Variants in NELL1 observed in about 807,000 individuals in gnomAD.
The protein encoded by NELL1 is protein kinase C-binding protein NELL1.
NELL1 carries 76 observed loss-of-function variants against 107.4 expected under a neutral mutation model. The observed-to-expected ratio is 0.71, with a 90% CI of 0.59 to 0.86. The LOEUF (loss-of-function observed/expected upper bound fraction) is 0.86. Ranked by LOEUF, NELL1 falls within the 40% of genes least tolerant of loss-of-function variation. The pLI is 0.00. For synonymous variants in NELL1, 353 were observed against 341.2 expected (o/e 1.03, Z -0.38); for missense variants, 1,024 against 1,005.5 (o/e 1.02, Z -0.25).
In NELL1 at chr11:21,404,005, A is replaced by ACG. The variant is rs756502564; in HGVS notation, c.1645+33058_1645+33059insGC. On this transcript the variant is annotated intron_variant, in intron 15 of 19. Transcript: ENST00000357134. ...CGGAAAATATCTCTGTCATTCCTGA[A>ACG]CCCCCCCCCCCGCAATCAAAACCAC... Among the ~76,000 whole-genome samples the ACG allele has an allele frequency of 1.8e-4, 9 of 50,958 alleles. 1 individual carries two copies. The South Asian group carries it at 4.6e-3, about 26-fold the overall frequency. The allele number at this position is 50,958 out of a possible 152,430, so 33.4% of individuals were successfully genotyped here.
At chr11:21,527,755 G>T (rs1320638411) in intron 15 of NELL1, among the ~76,000 whole-genome samples, 1 of 152,148 alleles carries the variant, frequency 6.6e-6, no homozygotes, top group Non-Finnish European at 1.5e-5. Context: ...AGGTCCAAGA[G>T]TCCAAAAGCT....
chr11:21,229,092 T>A (rs140134484), intron 13 of NELL1, among the ~76,000 whole-genome samples: 6 of 152,064 alleles, frequency 3.9e-5, no homozygotes, highest in Non-Finnish European at 8.8e-5. Context: ...CACTTACCAA[T>A]TGTGTGACGG....
intron 2 of NELL1, among the ~76,000 whole-genome samples, chr11:20,724,045 C>G (rs28846421): frequency 5.0e-5 from 1 of 19,856 alleles, no homozygotes; most frequent in East Asian, 0.019. Context: ...GAGGCTGCAC[C>G]GAGAAGCTGG....
intron 12 of NELL1, among the ~76,000 whole-genome samples, chr11:21,100,710 T>G (rs968972319): frequency 2.6e-5 from 4 of 152,148 alleles, no homozygotes; most frequent in Non-Finnish European, 4.4e-5. Context: ...CAACCACATA[T>G]AGAGGGCCCA....
intron 2 of NELL1, among the ~76,000 whole-genome samples, chr11:20,756,719 C>G (rs1038604778): frequency 7.2e-5 from 11 of 151,822 alleles, no homozygotes; most frequent in African/African-American, 1.7e-4. Flanking sequence ...GCATCCCGGG[C>G]CTCCACCCAC....
intron 3 of NELL1, among the ~76,000 whole-genome samples, chr11:20,812,421 T>C (rs190507894): frequency 9.2e-5 from 14 of 152,358 alleles, no homozygotes; most frequent in African/African-American, 3.4e-4. Flanking sequence ...GCTTTTGTTA[T>C]TTTGTATATG....
At chr11:21,265,737 A>T (rs933129688) in intron 14 of NELL1, among the ~76,000 whole-genome samples, 8 of 152,050 alleles carry the variant, frequency 5.3e-5, no homozygotes, top group Admixed American at 3.3e-4. Flanking sequence ...GGGTTCTTAA[A>T]ACTTTACTGT....
chr11:21,348,050 G>T (rs985601015), intron 14 of NELL1, among the ~76,000 whole-genome samples: 1 of 152,160 alleles, frequency 6.6e-6, no homozygotes, highest in Non-Finnish European at 1.5e-5. Flanking sequence ...ACCTGATGTG[G>T]CTAGAAGCTC....
At chr11:21,505,441 T>C (rs143584153) in intron 15 of NELL1, among the ~76,000 whole-genome samples, 2 of 152,220 alleles carry the variant, frequency 1.3e-5, no homozygotes, top group African/African-American at 4.8e-5. Context: ...TGACTAAACT[T>C]TAGGAGGACT....
chr11:20,861,378 T>C (rs1848975618), intron 4 of NELL1, among the ~76,000 whole-genome samples: 1 of 152,238 alleles, frequency 6.6e-6, no homozygotes, highest in Middle Eastern at 3.2e-3. Flanking sequence ...GGAATGAGGC[T>C]GCTTTGTTTC....
intron 14 of NELL1, among the ~76,000 whole-genome samples, chr11:21,253,056 T>A (rs1267359282): frequency 6.6e-6 from 1 of 152,122 alleles, no homozygotes; most frequent in Admixed American, 6.6e-5. Flanking sequence ...TCTCTGTGGT[T>A]AAGGGTTATC....
chr11:21,341,315 T>C (rs1850559617), intron 14 of NELL1, among the ~76,000 whole-genome samples: 1 of 152,204 alleles, frequency 6.6e-6, no homozygotes, highest in African/African-American at 2.4e-5. Flanking sequence ...AAACAAACTA[T>C]TGACTATGAG....
chr11:20,971,828 T>C (rs1446366523), intron 12 of NELL1, among the ~76,000 whole-genome samples: 1 of 152,176 alleles, frequency 6.6e-6, no homozygotes. Context: ...ATATAGCCCA[T>C]GGAATACTAT....
intron 2 of NELL1, among the ~76,000 whole-genome samples, chr11:20,716,748 T>A (rs1297014297): frequency 2.0e-5 from 3 of 152,212 alleles, no homozygotes; most frequent in Admixed American, 2.0e-4. Context: ...ACTTCTTCAC[T>A]TCATTTTTAC....
chr11:21,119,136 A>C lies in NELL1; in HGVS notation c.1426+5422A>C, dbSNP rs138568960. ...CATCAAAAATATTGCTTGCCAAATC[A>C]ATCCCTCTTTGAAATCTTAGTAGTT... On this transcript the variant is annotated intron_variant, in intron 13 of 19. Coordinates refer to ENST00000357134, the MANE Select transcript of NELL1 (RefSeq NM_006157.5). Among the ~76,000 whole-genome samples, 623 of 152,174 alleles carry C rather than the reference A, an allele frequency of 4.1e-3. 2 individuals are homozygous for C. The highest frequency in any genetic ancestry group is 0.014 in the African/African-American group (600 of 41,548).
At chr11:21,278,937 G>C (rs1482654976) in intron 14 of NELL1, among the ~76,000 whole-genome samples, 2 of 152,206 alleles carry the variant, frequency 1.3e-5, no homozygotes, top group South Asian at 4.1e-4. Context: ...AGACAAACAA[G>C]TCAATGCAAG....
At chr11:21,436,179 C>T (rs186648185) in intron 15 of NELL1, among the ~76,000 whole-genome samples, 56 of 152,206 alleles carry the variant, frequency 3.7e-4, no homozygotes, top group African/African-American at 1.3e-3. Context: ...CTCAGCATCC[C>T]AAGTAGGTGG....
chr11:21,273,972 G>T (rs1848797573), intron 14 of NELL1, among the ~76,000 whole-genome samples: 1 of 152,078 alleles, frequency 6.6e-6, no homozygotes, highest in Non-Finnish European at 1.5e-5. Flanking sequence ...AGACTATCGA[G>T]GCTAGGAAGA....
At chr11:20,974,847 A>G (rs1851572458) in intron 12 of NELL1, among the ~76,000 whole-genome samples, 1 of 152,200 alleles carries the variant, frequency 6.6e-6, no homozygotes, top group African/African-American at 2.4e-5. Context: ...AAATTTAAAA[A>G]AGATAAATGG....
Sources: gnomAD v4.1 joint callset for allele counts (sites outside exome capture counted in the v4.1 genomes callset) on GRCh38, gnomAD v4.1.1 for gene constraint, MANE v1.5 for transcripts, NCBI Gene and HGNC (gene_info 2026-07-23, HGNC 2026-07-21) for gene names.